Variants in TLE2 observed in about 807,000 individuals in gnomAD.
TLE2 encodes TLE family member 2, transcriptional corepressor.
TLE2 carries 74 observed loss-of-function variants against 97.2 expected under a neutral mutation model. The observed-to-expected ratio is 0.76, with a 90% CI of 0.63 to 0.92. The LOEUF is 0.92. Ranked by LOEUF, TLE2 falls within the 40% of genes least tolerant of loss-of-function variation. The probability of loss-of-function intolerance (pLI) is 0.00; values close to 1 mark genes in which losing one functional copy is unlikely to be tolerated. For missense variants in TLE2, 1,038 were observed against 1,008.7 expected, an observed-to-expected ratio of 1.03 and a Z score of -0.39; for synonymous variants, 499 against 432.1, an observed-to-expected ratio of 1.15 and a Z score of -1.92.
In TLE2 at chr19:3,024,421, G is replaced by A. The variant is rs547617137; in HGVS notation, c.294+599C>T. Among the ~76,000 whole-genome samples the A allele has an allele frequency of 3.9e-5, 6 of 152,018 alleles. No individual in the cohort carries two copies. The East Asian group carries it at 9.7e-4, about 25-fold the overall frequency. ...CAGAATTTTCCCATCTTCCCAAACT[G>A]AATTTCTGTCCCCATAAAACTCTCA... On this transcript the variant is annotated intron_variant, in intron 5 of 19. Transcript: ENST00000262953.
chr19:3,003,961 C>T (rs750325317), intron 17 of TLE2, among the ~76,000 whole-genome samples: 13 of 152,136 alleles, frequency 8.5e-5, no homozygotes, highest in Non-Finnish European at 1.6e-4. Context: ...CCCACCTCGG[C>T]CTCCCAAAGT....
At chr19:3,028,222 C>A in intron 3 of TLE2, 97 bp downstream of exon 3, 1 of 1,267,332 alleles carries the variant, frequency 7.9e-7, no homozygotes. Context: ...ACGGGGAAGA[C>A]GAGGTTCGGA....
rs774961768 is a variant in TLE2, at chr19:3,005,521, G to C, written c.1812C>G (p.Leu604=). 2 of 1,613,764 alleles carry C rather than the reference G, an allele frequency of 1.2e-6. No homozygotes were observed. The highest frequency in any genetic ancestry group is 2.2e-5 in the East Asian group (1 of 44,874). ...CCGTGTTGTCCAGGCCCCCTGTCCA[G>C]AGCCGAGTGCCGTAATCGGAAATAT... The part of the protein sequence containing the change: ...CIDISDYGTR[L]WTGGLDNTVR... Residue 604 remains leucine (L), a synonymous_variant, in exon 17 of 20, where the codon CTC becomes CTG. Coordinates refer to ENST00000262953, the MANE Select transcript of TLE2 (RefSeq NM_003260.5).
Position 3,011,071 on chromosome 19 carries a change from A to G in TLE2, c.963T>C (p.Ser321=). 1 of 1,608,126 alleles carries G rather than the reference A, an allele frequency of 6.2e-7. No individual in the cohort carries two copies. The highest frequency in any genetic ancestry group is 1.1e-5 in the South Asian group (1 of 90,222). Residue 321 remains serine, a synonymous_variant, in exon 12 of 20, where the codon AGT becomes AGC. Coordinates refer to ENST00000262953, the MANE Select transcript of TLE2 (RefSeq NM_003260.5). ...DASTPGPSSA[S]HLCQLAAKPA... is the part of the protein sequence containing the mutation. ...GCTTGGCAGCAAGCTGGCAGAGGTG[A>G]CTGGCCGAGCTGGGCCCGGGGGTGG...
intron 10 of TLE2, 105 bp from the exon 11 acceptor site, chr19:3,013,923 C>T: frequency 2.9e-6 from 3 of 1,052,188 alleles, no homozygotes; most frequent in Non-Finnish European, 3.8e-6. Flanking sequence ...GAATGGGTAC[C>T]CATGACCCAC....
Position 3,024,995 on chromosome 19 carries a change from T to TC in TLE2, c.294+24dup, listed in dbSNP as rs766130679. 2.9e-5 allele frequency: 23 copies of TC among 790,216 alleles called. 1 individual carries two copies. In the Middle Eastern group the frequency reaches 2.2e-3, roughly 76 times the overall value. The allele number at this position is 790,216 out of a possible 1,614,324, so 49.0% of individuals were successfully genotyped here. On this transcript the variant is annotated intron_variant, in intron 5 of 19. Coordinates refer to ENST00000262953, the MANE Select transcript of TLE2 (RefSeq NM_003260.5). ...TCTTCTTCCGGCTCCCTTCCCCTCC[T>TC]CCCCCCACCCCCAGGCCCACTCACC...
chr19:3,016,543 T>C (rs1013891852), intron 8 of TLE2, among the ~76,000 whole-genome samples: 36 of 145,168 alleles, frequency 2.5e-4, no homozygotes, highest in African/African-American at 9.1e-4. Context: ...TGAGCCGAGA[T>C]TGCACCACTG....
At chr19:3,009,488 C>T (rs1319726951) in intron 13 of TLE2, 54 bp downstream of exon 13, 10 of 1,521,530 alleles carry the variant, frequency 6.6e-6, no homozygotes, top group Non-Finnish European at 8.8e-6. Context: ...CTCCTCCCGG[C>T]CCCCAGCCCC....
chr19:2,999,547 GA>G (rs1248839384), intron 19 of TLE2, among the ~76,000 whole-genome samples: 1 of 151,766 alleles, frequency 6.6e-6, no homozygotes, highest in Non-Finnish European at 1.5e-5. Context: ...CTAACACGGT[GA>G]AACCCCGTCT....
At chr19:3,006,059 T>G in intron 15 of TLE2, 91 bp from the exon 16 acceptor site, 4 of 1,465,152 alleles carry the variant, frequency 2.7e-6, no homozygotes, top group Non-Finnish European at 3.8e-6. Context: ...TGGAGCCCAA[T>G]GTAGCCTCAT....
chr19:3,001,574 G>C (rs181683927), intron 18 of TLE2, among the ~76,000 whole-genome samples: 1 of 151,880 alleles, frequency 6.6e-6, no homozygotes, highest in East Asian at 1.9e-4. Context: ...CAGCCTCAAA[G>C]TCCTGGGCTC....
chr19:3,012,116 C>T (rs996727322), intron 11 of TLE2, among the ~76,000 whole-genome samples: 55 of 151,664 alleles, frequency 3.6e-4, no homozygotes, highest in Non-Finnish European at 1.8e-4. Context: ...CGTGGTGGCA[C>T]GTGCCTGTAG....
intron 4 of TLE2, 41 bp downstream of exon 4, chr19:3,027,788 C>T (rs1429795474): frequency 6.3e-7 from 1 of 1,599,722 alleles, no homozygotes; most frequent in Non-Finnish European, 8.5e-7. Flanking sequence ...TTCCAGACCC[C>T]CACCCTCCCT....
At chr19:3,006,984 CA>C (rs1276802919) in intron 14 of TLE2, among the ~76,000 whole-genome samples, 1 of 151,998 alleles carries the variant, frequency 6.6e-6, no homozygotes, top group Admixed American at 6.6e-5. Flanking sequence ...AGGGTTTCAC[CA>C]TGTTGGCCAG....
In TLE2 at chr19:3,006,592, C is replaced by T; in HGVS notation, c.1328G>A (p.Gly443Asp). Residue 443 changes from glycine to aspartate, a missense_variant, in exon 15 of 20, where the codon GGC becomes GAC. By Grantham distance (94) the Gly-to-Asp change is moderately conservative. Transcript: ENST00000262953. The stretch of plus-strand genomic sequence containing the variant: ...CAGCTGCCGGGCGTGCCGCGGGATG[C>T]CCGCGCCTACCAGTGCATCCGAGGG... ...PFPSDALVGA[G>D]IPRHARQLHT... 1.2e-6 allele frequency: 2 copies of T among 1,606,788 alleles called. No individual in the cohort carries two copies. Among genetic ancestry groups the T allele is most frequent in the Non-Finnish European group, 1.7e-6 (2 of 1,177,386 alleles).
intron 19 of TLE2, 150 bp downstream of exon 19, chr19:3,000,497 C>G: frequency 1.6e-6 from 1 of 630,570 alleles, no homozygotes; most frequent in Non-Finnish European, 2.7e-6. Context: ...GCTTTAGTAC[C>G]TGGGCGGTAG....
upstream of TLE2, among the ~76,000 whole-genome samples, chr19:3,033,919 G>C (rs1398347054): frequency 6.6e-6 from 1 of 151,176 alleles, no homozygotes; most frequent in African/African-American, 2.5e-5. Flanking sequence ...ATGTCAACTT[G>C]ACTCACACCT....
At chr19:3,000,191 C>G (rs1356153715) in intron 19 of TLE2, among the ~76,000 whole-genome samples, 5 of 151,132 alleles carry the variant, frequency 3.3e-5, no homozygotes, top group African/African-American at 1.2e-4. Context: ...CCTGCCTCAG[C>G]CTCTCGAGTA....
In TLE2 at chr19:3,019,841, G is replaced by T; in HGVS notation, c.295-68C>A. 1.3e-6 allele frequency: 2 copies of T among 1,542,640 alleles called. No individual in the cohort carries two copies. The highest frequency in any genetic ancestry group is 1.8e-6 in the Non-Finnish European group (2 of 1,141,138). The stretch of plus-strand genomic sequence containing the variant: ...TGCTCATGCTAGCGGTGCCCTTGGG[G>T]ACCTGACCTCTCCCCGCCACCCTCT... On this transcript the variant is annotated intron_variant, in intron 5 of 19. Coordinates refer to ENST00000262953, the MANE Select transcript of TLE2 (RefSeq NM_003260.5). This position sits in a 1 kb window ranked among gnomAD's most constrained non-coding sequence, Gnocchi z 5.1.
Sources: allele counts gnomAD v4.1 joint callset (sites outside exome capture counted in the v4.1 genomes callset), GRCh38; gene constraint gnomAD v4.1.1; non-coding constraint Gnocchi (gnomAD v3.1); transcripts MANE v1.5; gene names NCBI Gene and HGNC (gene_info 2026-07-23, HGNC 2026-07-21).